The following IL12RB1 variants were observed in gnomAD, a reference collection of about 807,000 sequenced individuals.
IL12RB1 encodes interleukin 12 receptor subunit beta 1.
IL12RB1 carries 64 observed loss-of-function variants against 94.4 expected under a neutral mutation model. The observed-to-expected ratio is 0.68, with a 90% CI of 0.55 to 0.83. The LOEUF is 0.83. Among genes scored for constraint, IL12RB1 ranks in the 40% least tolerant of loss-of-function variants. IL12RB1 has a pLI of 0.00. For missense variants in IL12RB1, 814 were observed against 855.6 expected (o/e 0.95, Z 0.61); for synonymous variants, 362 against 355.5 (o/e 1.02, Z -0.21).
intron 7 of IL12RB1, among the ~76,000 whole-genome samples, chr19:18,074,240 G>C (rs2035284468): frequency 6.6e-6 from 1 of 151,790 alleles, no homozygotes; most frequent in Admixed American, 6.6e-5. Flanking sequence ...TCAAACTCCT[G>C]GCCTCAAACA....
At chr19:18,083,518 C>G (rs1248885448) in intron 1 of IL12RB1, 27 bp from the exon 2 acceptor site, 2 of 1,611,810 alleles carry the variant, frequency 1.2e-6, no homozygotes, top group Admixed American at 3.3e-5. Context: ...GACATAATGA[C>G]ATTCCTGGCC....
chr19:18,071,965 G>A, intron 9 of IL12RB1, 147 bp downstream of exon 9: 2 of 680,356 alleles, frequency 2.9e-6, no homozygotes, highest in South Asian at 1.6e-5. Flanking sequence ...GTGCCTGGCT[G>A]ATTACTGAAT....
intron 14 of IL12RB1, 42 bp downstream of exon 14, chr19:18,062,139 A>G (rs770418074): frequency 3.0e-6 from 4 of 1,331,732 alleles, no homozygotes; most frequent in South Asian, 2.3e-5. Flanking sequence ...CCTGCCCAGC[A>G]TCATTACCAT....
chr19:18,087,024 G>C (rs1161370571), upstream of IL12RB1: 8 of 1,122,298 alleles, frequency 7.1e-6, no homozygotes, highest in African/African-American at 9.4e-5. Context: ...AGTCAGCTCC[G>C]TGGTGGTGGT....
At chr19:18,065,095 T>C (rs763763038) in intron 12 of IL12RB1, among the ~76,000 whole-genome samples, 11 of 152,110 alleles carry the variant, frequency 7.2e-5, no homozygotes, top group African/African-American at 2.4e-5. Context: ...CTGTGGGGCG[T>C]CCCCACTCTG....
chr19:18,091,279 G>T (rs897155428), upstream of IL12RB1, among the ~76,000 whole-genome samples: 6 of 152,202 alleles, frequency 3.9e-5, no homozygotes, highest in African/African-American at 1.4e-4. Flanking sequence ...GGCCCTGTGG[G>T]CCCCTTATGG....
intron 9 of IL12RB1, 59 bp downstream of exon 9, chr19:18,072,053 A>C (rs928178301): frequency 8.7e-7 from 1 of 1,151,788 alleles, no homozygotes; most frequent in African/African-American, 1.5e-5. Flanking sequence ...GCTGAGGCTC[A>C]GAGTAGGTGC....
chr19:18,071,433 G>A, intron 9 of IL12RB1: 1 of 617,896 alleles, frequency 1.6e-6, no homozygotes, highest in Non-Finnish European at 2.5e-6. Flanking sequence ...GAAAAAGAGT[G>A]TAGCTCTATC....
At chr19:18,064,305 A>T in intron 12 of IL12RB1, among the ~76,000 whole-genome samples, 1 of 150,674 alleles carries the variant, frequency 6.6e-6, no homozygotes, top group East Asian at 2.0e-4. Flanking sequence ...ACGCCCAGCT[A>T]ATTTTTTGTA....
chr19:18,069,892 G>A (rs1298061908), intron 9 of IL12RB1, among the ~76,000 whole-genome samples, 179 bp from the exon 10 acceptor site: 1 of 152,032 alleles, frequency 6.6e-6, no homozygotes, highest in East Asian at 1.9e-4. Context: ...CAGGCACAAA[G>A]TGGGTAGCAG....
intron 4 of IL12RB1, among the ~76,000 whole-genome samples, chr19:18,078,790 T>C (rs1359372644): frequency 6.6e-6 from 1 of 152,138 alleles, no homozygotes; most frequent in East Asian, 1.9e-4. Flanking sequence ...TAAAATAGTC[T>C]TGCTGCACCG....
rs1568522781 is a variant in IL12RB1 at position 18,084,680 on chromosome 19, TCC to T, written c.65-1191_65-1190del. Reference sequence around the variant, plus strand: ...ATCCAGCCATCCATCCATCCATCCATCCATCCATCCATCCATCCATACATACA... The same window carrying T: ...ATCCAGCCATCCATCCATCCATCCATATCCATCCATCCATCCATACATACA... On this transcript the variant is annotated intron_variant, in intron 1 of 16. Coordinates refer to ENST00000593993, the MANE Select transcript of IL12RB1 (RefSeq NM_005535.3). Among the ~76,000 whole-genome samples, 1,412 of 152,132 alleles carry T rather than the reference TCC, an allele frequency of 9.3e-3. 23 individuals are homozygous for T. Among genetic ancestry groups the T allele is most frequent in the African/African-American group, 0.031 (1,285 of 41,476 alleles).
At chr19:18,094,811 A>G (rs1240247296) in intron 1 of IL12RB1, among the ~76,000 whole-genome samples, 3 of 152,102 alleles carry the variant, frequency 2.0e-5, no homozygotes, top group African/African-American at 7.2e-5. Flanking sequence ...AAAACAAAAC[A>G]ACCCAAAACA....
rs528823541 is a variant in IL12RB1, at chr19:18,082,400, C to A, written c.125-136G>T. On this transcript the variant is annotated intron_variant, in intron 2 of 16. Transcript: ENST00000593993. ...CTCCCCGCGTCCTTCCTACCTCATCCCCTGCCGTCTCTCACCTCAACCTAT... is the reference window on the plus strand; with the variant it reads ...CTCCCCGCGTCCTTCCTACCTCATCACCTGCCGTCTCTCACCTCAACCTAT... The A allele has an allele frequency of 3.5e-5, 24 of 687,386 alleles. No homozygotes were observed. The African/African-American group carries it at 3.5e-4, about 10-fold the overall frequency. The allele number at this position is 687,386 out of a possible 1,614,324, so 42.6% of individuals were successfully genotyped here.
chr19:18,087,706 G>C (rs1178894835), upstream of IL12RB1, among the ~76,000 whole-genome samples: 5 of 150,612 alleles, frequency 3.3e-5, no homozygotes, highest in Admixed American at 3.3e-4. Flanking sequence ...TTTTTTTTAA[G>C]AGAGGGGGTT....
chr19:18,073,411 C>G, intron 8 of IL12RB1, 106 bp downstream of exon 8: 1 of 770,148 alleles, frequency 1.3e-6, no homozygotes, highest in Non-Finnish European at 2.4e-6. Flanking sequence ...CCTGCCACCT[C>G]TACATCTCAT....
chr19:18,069,794 T>A, intron 9 of IL12RB1, 81 bp from the exon 10 acceptor site: 1 of 1,026,238 alleles, frequency 9.7e-7, no homozygotes, highest in Non-Finnish European at 1.5e-6. Flanking sequence ...GCAGCCTCTC[T>A]CCCACCCTCT....
At chr19:18,077,756 A>G in intron 4 of IL12RB1, 101 bp from the exon 5 acceptor site, 2 of 773,108 alleles carry the variant, frequency 2.6e-6, no homozygotes, top group South Asian at 2.8e-5. Flanking sequence ...TGAATCCCTA[A>G]ATATGAATTA....
At chr19:18,065,852 C>A (rs540402687) in intron 12 of IL12RB1, among the ~76,000 whole-genome samples, 28 of 151,188 alleles carry the variant, frequency 1.9e-4, no homozygotes, top group African/African-American at 6.5e-4. Context: ...CCAGCCTGGG[C>A]AATATAGCAA....
Sources: gnomAD v4.1 joint callset for allele counts (sites outside exome capture counted in the v4.1 genomes callset) on GRCh38, gnomAD v4.1.1 for gene constraint, MANE v1.5 for transcripts, NCBI Gene and HGNC (gene_info 2026-07-23, HGNC 2026-07-21) for gene names.